Variants in SNAP47 observed in about 807,000 individuals in gnomAD.
SNAP47 encodes the protein synaptosomal-associated protein 47.
Under a neutral mutation model 31.4 loss-of-function variants are expected in SNAP47, and 20 were observed. That is an observed-to-expected ratio of 0.64 (90% CI 0.45 to 0.93). SNAP47 has a LOEUF of 0.93. Ranked by LOEUF, SNAP47 falls within the 40% of genes least tolerant of loss-of-function variation. The probability of loss-of-function intolerance (pLI) is 0.00; values close to 1 mark genes in which losing one functional copy is unlikely to be tolerated. For synonymous variants in SNAP47, 194 were observed against 213.4 expected (o/e 0.91, Z 0.79); for missense variants, 492 against 528.5 (o/e 0.93, Z 0.68).
intron 2 of SNAP47, among the ~76,000 whole-genome samples, chr1:227,754,463 A>G (rs560815558): frequency 6.6e-6 from 1 of 152,276 alleles, no homozygotes; most frequent in Non-Finnish European, 1.5e-5. Flanking sequence ...GTAAGGGTGG[A>G]GCCCTAGCCA....
At chr1:227,738,747 T>A (rs932009390) in intron 1 of SNAP47, among the ~76,000 whole-genome samples, 1 of 152,188 alleles carries the variant, frequency 6.6e-6, no homozygotes, top group African/African-American at 2.4e-5. Flanking sequence ...TGTTTATAAT[T>A]GTCTCAAGAT....
intron 3 of SNAP47, among the ~76,000 whole-genome samples, chr1:227,761,020 T>C (rs562862122): frequency 6.6e-4 from 101 of 152,372 alleles, no homozygotes; most frequent in African/African-American, 2.4e-3. Flanking sequence ...CATGCATGTA[T>C]ACATATGTAC....
Position 227,759,124 on chromosome 1 carries a change from A to T in SNAP47, c.627A>T (p.Ile209=), listed in dbSNP as rs117950953. 1,015 of 1,614,184 alleles carry T rather than the reference A, an allele frequency of 6.3e-4. 18 individuals carry two copies. The East Asian group carries it at 0.019, about 30-fold the overall frequency. The change falls in exon 3 of 5, where the codon ATA becomes ATT. Residue 209 remains isoleucine, a synonymous_variant. Coordinates refer to ENST00000617596, the MANE Select transcript of SNAP47 (RefSeq NM_053052.4). ...GTGAACCCTTTGGGAAAGAAGGGAT[A>T]CTGATAAAAATTCCTGCTGTTATTT... ...TSCEPFGKEG[I]LIKIPAVISH...
chr1:227,745,008 C>T (rs1484980110), intron 1 of SNAP47, among the ~76,000 whole-genome samples: 1 of 152,190 alleles, frequency 6.6e-6, no homozygotes, highest in East Asian at 1.9e-4. Flanking sequence ...TGAGAGGAAG[C>T]GTGCCAGGAT....
At chr1:227,738,919 TTGG>T (rs1475716653) in intron 1 of SNAP47, among the ~76,000 whole-genome samples, 1 of 152,168 alleles carries the variant, frequency 6.6e-6, no homozygotes, top group East Asian at 1.9e-4. Context: ...CCCCTAGGAC[TTGG>T]TGGGAGATGG....
chr1:227,774,619 C>T (rs1664043320), intron 4 of SNAP47, among the ~76,000 whole-genome samples: 1 of 150,702 alleles, frequency 6.6e-6, no homozygotes, highest in Non-Finnish European at 1.5e-5. Context: ...AGGTGCCTGG[C>T]AAGTTGGGAG....
chr1:227,767,365 T>C (rs1208458820), intron 4 of SNAP47, among the ~76,000 whole-genome samples: 2 of 152,224 alleles, frequency 1.3e-5, no homozygotes, highest in Non-Finnish European at 2.9e-5. Flanking sequence ...ATTGTACATG[T>C]CCGTGTGTGT....
chr1:227,749,445 G>A (rs973956926), intron 2 of SNAP47, among the ~76,000 whole-genome samples: 3 of 152,202 alleles, frequency 2.0e-5, no homozygotes, highest in Non-Finnish European at 4.4e-5. Flanking sequence ...TCCCAGTGCA[G>A]TGCCACATGG....
chr1:227,735,125 A>G, upstream of SNAP47: 1 of 1,579,158 alleles, frequency 6.3e-7, no homozygotes, highest in Middle Eastern at 1.8e-4. Context: ...CAGGTTGGGC[A>G]GCAAGAAGCC....
chr1:227,745,919 A>C (rs557431713), intron 1 of SNAP47: 1 of 152,266 alleles, frequency 6.6e-6, no homozygotes, highest in Admixed American at 6.5e-5. Flanking sequence ...ACGGACACTC[A>C]GGGATGTGAG....
At chr1:227,732,787 G>C (rs1660752137), upstream of SNAP47, 5 of 1,591,668 alleles carry the variant, frequency 3.1e-6, no homozygotes, top group South Asian at 5.7e-5. Context: ...TTAAGACAGA[G>C]GCACTGAGAA....
chr1:227,748,140 A>T lies in SNAP47; in HGVS notation c.404A>T (p.Asp135Val). 8 of 1,613,912 alleles carry T rather than the reference A, an allele frequency of 5.0e-6. No homozygotes were observed. The highest frequency in any genetic ancestry group is 5.9e-6 in the Non-Finnish European group (7 of 1,180,004). ...LMAGSQKRLE[D>V]TARVLHHQGQ... The stretch of plus-strand genomic sequence containing the variant: ...GCTGGATCCCAGAAACGCCTGGAGG[A>T]CACGGCGAGGGTCCTGCACCACCAG... The change falls in exon 2 of 5, where the codon GAC becomes GTC. Residue 135 changes from aspartate (D) to valine (V), a missense_variant. Coordinates refer to ENST00000617596, the MANE Select transcript of SNAP47 (RefSeq NM_053052.4).
chr1:227,747,862 A>G lies in SNAP47; in HGVS notation c.126A>G (p.Gly42=). 1.2e-6 allele frequency: 2 copies of G among 1,614,166 alleles called. No individual in the cohort carries two copies. The highest frequency in any genetic ancestry group is 1.7e-6 in the Non-Finnish European group (2 of 1,180,018). ...TCAGGTTCATGACTGACAGCACTGG[A>G]GAGATTCTGGTCAGCTTCCCCCTCT... is the stretch of plus-strand genomic sequence containing the variant. ...LSLRFMTDST[G]EILVSFPLSS... The change falls in exon 2 of 5, where the codon GGA becomes GGG. Residue 42 remains glycine (G), a synonymous_variant. Coordinates refer to ENST00000617596, the MANE Select transcript of SNAP47 (RefSeq NM_053052.4).
upstream of SNAP47, chr1:227,734,635 T>C (rs763425948): frequency 5.6e-6 from 9 of 1,613,138 alleles, no homozygotes; most frequent in Non-Finnish European, 7.6e-6. Flanking sequence ...CCTCGGTGCG[T>C]CCCAAGCCCC....
chr1:227,735,729 C>T, intron 1 of SNAP47: 9 of 982,726 alleles, frequency 9.2e-6, no homozygotes, highest in Non-Finnish European at 9.7e-6. Flanking sequence ...CCGGAGAGAA[C>T]GGTGGGACCC....
In SNAP47 at chr1:227,756,742, C is replaced by T. The variant is rs535405611; in HGVS notation, c.498-2253C>T. 4.7e-3 allele frequency among the ~76,000 whole-genome samples: 719 copies of T among 152,368 alleles called. 7 individuals carry two copies. The highest frequency in any genetic ancestry group is 5.0e-3 in the Non-Finnish European group (340 of 68,032). On this transcript the variant is annotated intron_variant, in intron 2 of 4. Coordinates refer to ENST00000617596, the MANE Select transcript of SNAP47 (RefSeq NM_053052.4). ...TTTGCCTGGGGTCCTGGGGATTGCA[C>T]CTCCCATGGCGTGTTGCTGCCCAAC... is the stretch of plus-strand genomic sequence containing the variant.
At chr1:227,754,556 C>T (rs1662578480) in intron 2 of SNAP47, among the ~76,000 whole-genome samples, 2 of 152,338 alleles carry the variant, frequency 1.3e-5, no homozygotes, top group South Asian at 4.1e-4. Context: ...CTTTCCAGCA[C>T]TTCCAAAACG....
At chr1:227,765,728 C>T (rs1663351098) in intron 3 of SNAP47, among the ~76,000 whole-genome samples, 1 of 152,186 alleles carries the variant, frequency 6.6e-6, no homozygotes, top group Non-Finnish European at 1.5e-5. Flanking sequence ...AGTCTCACCC[C>T]ACTTCCCCAC....
intron 4 of SNAP47, among the ~76,000 whole-genome samples, chr1:227,772,169 G>A (rs545548327): frequency 6.6e-6 from 1 of 152,344 alleles, no homozygotes; most frequent in South Asian, 2.1e-4. Flanking sequence ...TGTTATAGCA[G>A]TGGGGAGTTT....
Sources: gnomAD v4.1 joint callset for allele counts (sites outside exome capture counted in the v4.1 genomes callset) on GRCh38, gnomAD v4.1.1 for gene constraint, MANE v1.5 for transcripts, NCBI Gene and HGNC (gene_info 2026-07-23, HGNC 2026-07-21) for gene names.